The following HPS1 variants were observed in gnomAD, a reference collection of about 807,000 sequenced individuals.
HPS1 encodes HPS1 biogenesis of lysosomal organelles complex 3 subunit 1.
Under a neutral mutation model 90.6 loss-of-function variants are expected in HPS1, and 59 were observed. The observed-to-expected ratio is 0.65, with a 90% CI of 0.53 to 0.81. The LOEUF (loss-of-function observed/expected upper bound fraction) is 0.81. Among genes scored for constraint, HPS1 ranks in the 30% least tolerant of loss-of-function variants. HPS1 has a pLI of 0.00. For synonymous variants in HPS1, 388 were observed against 384.4 expected (o/e 1.01, Z -0.11); for missense variants, 849 against 896.7 (o/e 0.95, Z 0.68).
intron 8 of HPS1, among the ~76,000 whole-genome samples, 165 bp from the exon 9 acceptor site, chr10:98,430,054 C>G (rs756037883): frequency 1.3e-5 from 2 of 152,208 alleles, no homozygotes; most frequent in Non-Finnish European, 2.9e-5. Context: ...GGATTCGATT[C>G]TAGGCGGTCT....
At chr10:98,418,850 G>C (rs1342287204) in intron 18 of HPS1, among the ~76,000 whole-genome samples, 1 of 152,250 alleles carries the variant, frequency 6.6e-6, no homozygotes, top group Non-Finnish European at 1.5e-5. Flanking sequence ...ACCCCACGGG[G>C]CCACCCAAGC....
chr10:98,429,550 T>C lies in HPS1; in HGVS notation c.937+23A>G, dbSNP rs759896168. The C allele has an allele frequency of 4.3e-6, 7 of 1,614,066 alleles. No homozygotes were observed. The South Asian group carries it at 7.7e-5, about 18-fold the overall frequency. On this transcript the variant is annotated intron_variant, in intron 10 of 19. Transcript: ENST00000361490. The stretch of plus-strand genomic sequence containing the variant: ...TCGCTCGCAGCTAGCTATTGTTTCC[T>C]CCTGCTTTCCTCCGGTCCTCACCTG...
intron 18 of HPS1, 69 bp from the exon 19 acceptor site, chr10:98,418,326 C>A: frequency 1.2e-6 from 1 of 852,252 alleles, no homozygotes; most frequent in Non-Finnish European, 1.9e-6. Flanking sequence ...ACGCACCGGG[C>A]TTGCGGCCTG....
Position 98,423,632 on chromosome 10 carries a change from C to T in HPS1, c.1569G>A (p.Val523=), listed in dbSNP as rs1439888091. 1 of 1,614,002 alleles carries T rather than the reference C, an allele frequency of 6.2e-7. No homozygotes were observed. The highest frequency in any genetic ancestry group is 1.7e-5 in the Admixed American group (1 of 60,018). ...KLTDWKDFLL[V]KSRRNITMVS... ...CCATGGTGATGTTCCTCCTGCTCTT[C>T]ACCAGCAAGAAGTCCTTCCAGTCCG... Residue 523 remains valine, a synonymous_variant, in exon 16 of 20, where the codon GTG becomes GTA. Coordinates refer to ENST00000361490, the MANE Select transcript of HPS1 (RefSeq NM_000195.5).
downstream of HPS1, chr10:98,415,081 C>T (rs753532354): frequency 6.2e-7 from 1 of 1,614,132 alleles, no homozygotes; most frequent in Admixed American, 1.7e-5. Context: ...CGTCTCCACG[C>T]CGGGAAGGGA....
In HPS1 at chr10:98,423,789, G is replaced by A. The variant is rs111392745; in HGVS notation, c.1496C>T (p.Pro499Leu). ...TAPSRGGPHL[P>L]QHLQDQVQRL... ...CTGCACTTGGTCCTGCAGGTGCTGG[G>A]GCAGGTGTGGGCCTCCCCTGCTGGG... Residue 499 changes from proline to leucine, a missense_variant, in exon 15 of 20, where the codon CCC (proline) becomes CTC (leucine). Coordinates refer to ENST00000361490, the MANE Select transcript of HPS1 (RefSeq NM_000195.5). 1 of 1,613,998 alleles carries A rather than the reference G, an allele frequency of 6.2e-7. No homozygotes were observed. Among genetic ancestry groups the A allele is most frequent in the Non-Finnish European group, 8.5e-7 (1 of 1,180,018 alleles).
intron 14 of HPS1, 92 bp from the exon 15 acceptor site, chr10:98,423,979 A>T: frequency 6.6e-7 from 1 of 1,517,636 alleles, no homozygotes; most frequent in Non-Finnish European, 9.0e-7. Context: ...CCCAGGACAG[A>T]CAGACCTGGG....
chr10:98,443,490 C>T (rs919661071), intron 2 of HPS1, among the ~76,000 whole-genome samples: 2 of 152,232 alleles, frequency 1.3e-5, no homozygotes, highest in African/African-American at 4.8e-5. Context: ...TGGACCCAGA[C>T]CTGTTTGATG....
At position 98,417,692 on chromosome 10, in the gene HPS1, T is replaced by C. The variant is rs1281030566; in HGVS notation, c.1975A>G (p.Thr659Ala). Reference protein sequence around the residue: ...LLRYYSKNRPTEAVRCYELLA... With the variant: ...LLRYYSKNRPAEAVRCYELLA... Reference sequence around the variant, plus strand: ...AGCTCGTAGCACCTGACAGCCTCGGTTGGGCGGTTCTTGCTGTAGTAGCGC... The same window carrying C: ...AGCTCGTAGCACCTGACAGCCTCGGCTGGGCGGTTCTTGCTGTAGTAGCGC... Residue 659 changes from threonine to alanine, a missense_variant, in exon 20 of 20, where the codon ACC (threonine) becomes GCC (alanine). By Grantham distance (58) the Thr-to-Ala change is moderately conservative. Coordinates refer to ENST00000361490, the MANE Select transcript of HPS1 (RefSeq NM_000195.5). The surrounding 1 kb of genome is among the most constrained non-coding windows in gnomAD (Gnocchi z 4.2). 1.2e-6 allele frequency: 2 copies of C among 1,613,796 alleles called. No individual in the cohort carries two copies. Among genetic ancestry groups the C allele is most frequent in the African/African-American group, 2.7e-5 (2 of 74,980 alleles).
chr10:98,434,181 T>TG, intron 5 of HPS1, 90 bp from the exon 6 acceptor site: 1 of 1,365,060 alleles, frequency 7.3e-7, no homozygotes, highest in Non-Finnish European at 1.0e-6. Flanking sequence ...CAGCTCAGCA[T>TG]CAGAGCTTGG....
At chr10:98,414,942 C>T (rs1008975496), downstream of HPS1, 3 of 1,564,704 alleles carry the variant, frequency 1.9e-6, no homozygotes, top group Non-Finnish European at 2.6e-6. Context: ...TCCCCCTCCC[C>T]ACCAAGCTCT....
Position 98,430,586 on chromosome 10 carries a change from T to C in HPS1, c.753A>G (p.Ala251=). 2 of 1,553,784 alleles carry C rather than the reference T, an allele frequency of 1.3e-6. No individual in the cohort carries two copies. The highest frequency in any genetic ancestry group is 1.7e-6 in the Non-Finnish European group (2 of 1,147,880). ...VQDLYPSEST[A]EDDIQPSPRR... is the part of the protein sequence containing the mutation. ...GCCCTGAGACCTGAATGTCGTCCTC[T>C]GCTGTGCTCTCGCTGGGGTAGAGGT... is the stretch of plus-strand genomic sequence containing the variant. Residue 251 remains alanine (A), a synonymous_variant, in exon 8 of 20, where the codon GCA becomes GCG. Transcript: ENST00000361490.
chr10:98,438,376 A>T (rs545352193), intron 3 of HPS1, among the ~76,000 whole-genome samples: 2 of 152,352 alleles, frequency 1.3e-5, no homozygotes, highest in East Asian at 3.9e-4. Flanking sequence ...TGATAGTGAT[A>T]TGGACAATGA....
chr10:98,415,283 C>G, downstream of HPS1: 1 of 1,121,774 alleles, frequency 8.9e-7, no homozygotes, highest in Non-Finnish European at 1.2e-6. Context: ...CATTCTTGGC[C>G]ACAGGCCAGC....
In HPS1 at chr10:98,417,245, A is replaced by C; in HGVS notation, c.*319T>G. 14 of 238,706 alleles carry C rather than the reference A, an allele frequency of 5.9e-5. No individual in the cohort carries two copies. Among genetic ancestry groups the C allele is most frequent in the East Asian group, 9.6e-5 (1 of 10,400 alleles). The allele number at this position is 238,706 out of a possible 1,614,324, so 14.8% of individuals were successfully genotyped here. On this transcript the variant is annotated 3_prime_UTR_variant, in exon 20 of 20. Coordinates refer to ENST00000361490, the MANE Select transcript of HPS1 (RefSeq NM_000195.5). This position sits in a 1 kb window ranked among gnomAD's most constrained non-coding sequence, Gnocchi z 4.2. ...TGGGTGGGCTTCCTCCACGCAGGGA[A>C]CAGCAGAGATGGGGCTTCCTCCCCA... is the stretch of plus-strand genomic sequence containing the variant.
intron 18 of HPS1, among the ~76,000 whole-genome samples, chr10:98,419,590 C>T (rs1844586293): frequency 1.3e-5 from 2 of 152,190 alleles, no homozygotes; most frequent in Non-Finnish European, 2.9e-5. Context: ...GAGGCCAGGG[C>T]CCCGAGCCAC....
chr10:98,430,956 T>G (rs950751897), intron 7 of HPS1, among the ~76,000 whole-genome samples, 175 bp downstream of exon 7: 8 of 152,174 alleles, frequency 5.3e-5, no homozygotes, highest in African/African-American at 1.2e-4. Context: ...CAGGAAGGAA[T>G]GATACAGAGA....
At chr10:98,423,731 CA>C (rs1845214356) in intron 15 of HPS1, 21 bp downstream of exon 15, 1 of 1,613,970 alleles carries the variant, frequency 6.2e-7, no homozygotes, top group Admixed American at 1.7e-5. Context: ...CCTGGCCACC[CA>C]GGGGGCCGCA....
intron 3 of HPS1, chr10:98,442,788 G>A (rs920518844): frequency 3.1e-5 from 11 of 353,610 alleles, no homozygotes; most frequent in Admixed American, 7.7e-5. Flanking sequence ...GATTACAGGC[G>A]TGAGCCACCG....
Sources: gnomAD v4.1 joint callset for allele counts (sites outside exome capture counted in the v4.1 genomes callset) on GRCh38, gnomAD v4.1.1 for gene constraint, Gnocchi (gnomAD v3.1) non-coding constraint, MANE v1.5 for transcripts, NCBI Gene and HGNC (gene_info 2026-07-23, HGNC 2026-07-21) for gene names.